The following CSMD1 variants were observed in gnomAD, a reference collection of about 807,000 sequenced individuals.
The protein encoded by CSMD1 is CUB and Sushi multiple domains 1, also known as CUB and sushi domain-containing protein 1.
Under a neutral mutation model 417.5 loss-of-function variants are expected in CSMD1, and 213 were observed. The ratio of observed to expected loss-of-function variants is 0.51; its 90% CI spans 0.46 to 0.57. CSMD1 has a LOEUF of 0.57. Among genes scored for constraint, CSMD1 ranks in the 20% least tolerant of loss-of-function variants. CSMD1 has a pLI of 0.00. For synonymous variants in CSMD1, 2,862 were observed against 1,736.8 expected (o/e 1.65, Z -16.11); for missense variants, 6,923 against 4,529.7 (o/e 1.53, Z -15.17).
chr8:3,115,972 A>C (rs1275501510), intron 42 of CSMD1, among the ~76,000 whole-genome samples: 7 of 152,180 alleles, frequency 4.6e-5, no homozygotes, highest in Admixed American at 4.6e-4. Flanking sequence ...CAATTAATAA[A>C]ATACATGTTA....
chr8:3,472,045 A>C (rs1360335488), intron 11 of CSMD1, among the ~76,000 whole-genome samples: 1 of 152,096 alleles, frequency 6.6e-6, no homozygotes, highest in Non-Finnish European at 1.5e-5. Context: ...CCACCATGCA[A>C]CATGACTCTA....
At chr8:3,546,654 T>A (rs75147140) in intron 10 of CSMD1, among the ~76,000 whole-genome samples, 2,104 of 151,148 alleles carry the variant, frequency 0.014, 47 homozygotes, top group East Asian at 0.053. Flanking sequence ...CAAAAAAAAA[T>A]TACTCATCAA....
intron 3 of CSMD1, among the ~76,000 whole-genome samples, chr8:4,330,048 T>G (rs1799780547): frequency 6.6e-6 from 1 of 152,164 alleles, no homozygotes; most frequent in Admixed American, 6.6e-5. Flanking sequence ...ACCTCTTTTC[T>G]TCATAAATTA....
intron 3 of CSMD1, among the ~76,000 whole-genome samples, chr8:4,209,344 G>C (rs1322486728): frequency 6.6e-6 from 1 of 152,192 alleles, no homozygotes; most frequent in African/African-American, 2.4e-5. Context: ...CACAGGGACA[G>C]AAAGAATTCC....
At chr8:3,597,004 TCCAGAA>T (rs1236928790) in intron 8 of CSMD1, among the ~76,000 whole-genome samples, 1 of 152,062 alleles carries the variant, frequency 6.6e-6, no homozygotes, top group Non-Finnish European at 1.5e-5. Context: ...TGGCCATGAA[TCCAGAA>T]CCCAGGTGCT....
At chr8:4,822,290 C>A (rs571835464) in intron 1 of CSMD1, among the ~76,000 whole-genome samples, 3 of 152,232 alleles carry the variant, frequency 2.0e-5, no homozygotes, top group South Asian at 2.1e-4. Flanking sequence ...TCTTAGGACA[C>A]CAGATACCAC....
At chr8:4,013,813 T>C (rs1209241169) in intron 4 of CSMD1, among the ~76,000 whole-genome samples, 1 of 152,176 alleles carries the variant, frequency 6.6e-6, no homozygotes, top group African/African-American at 2.4e-5. Flanking sequence ...TCTATCTGTT[T>C]AGGTGGTGTC....
chr8:2,973,071 G>A (rs1804600659), intron 57 of CSMD1, 46 bp downstream of exon 57: 1 of 1,576,198 alleles, frequency 6.3e-7, no homozygotes, highest in South Asian at 1.1e-5. Context: ...AACGAGCTGT[G>A]TGGTTTTAAC....
At chr8:3,572,436 C>T (rs950201893) in intron 10 of CSMD1, among the ~76,000 whole-genome samples, 1 of 152,108 alleles carries the variant, frequency 6.6e-6, no homozygotes, top group Non-Finnish European at 1.5e-5. Context: ...TCCTGGAGAG[C>T]CCCTGATTGC....
At chr8:3,271,584 G>T (rs1157985027) in intron 26 of CSMD1, among the ~76,000 whole-genome samples, 1 of 151,874 alleles carries the variant, frequency 6.6e-6, no homozygotes, top group Non-Finnish European at 1.5e-5. Context: ...ATCCTCTCCA[G>T]CACCTGTTGT....
intron 3 of CSMD1, among the ~76,000 whole-genome samples, chr8:4,040,559 C>G (rs749259445): frequency 6.6e-6 from 1 of 152,062 alleles, no homozygotes; most frequent in Non-Finnish European, 1.5e-5. Flanking sequence ...ATTAGATCTA[C>G]GGTGTTCACA....
chr8:3,240,859 G>A (rs566344246), intron 26 of CSMD1, among the ~76,000 whole-genome samples: 15 of 152,222 alleles, frequency 9.9e-5, no homozygotes, highest in African/African-American at 3.6e-4. Context: ...AGGTAAAACG[G>A]GGGAATTGTA....
intron 1 of CSMD1, among the ~76,000 whole-genome samples, chr8:4,731,762 G>C (rs1214121478): frequency 6.6e-6 from 1 of 152,170 alleles, no homozygotes; most frequent in Non-Finnish European, 1.5e-5. Context: ...AGTTTGGGAA[G>C]TGATGCTGGC....
intron 1 of CSMD1, among the ~76,000 whole-genome samples, chr8:4,845,225 T>G: frequency 6.6e-6 from 1 of 152,220 alleles, no homozygotes; most frequent in East Asian, 1.9e-4. Context: ...TTTTGGTTAT[T>G]GTACTGTTCA....
chr8:3,128,869 T>A (rs1338059552), intron 41 of CSMD1: 1 of 455,482 alleles, frequency 2.2e-6, no homozygotes. Flanking sequence ...TGTCAAGACA[T>A]GGGAAAGCAG....
At chr8:4,397,518 A>AGACTCTG (rs1266697787) in intron 3 of CSMD1, among the ~76,000 whole-genome samples, 59 of 129,662 alleles carry the variant, frequency 4.6e-4, no homozygotes, top group Admixed American at 1.3e-3. Flanking sequence ...AACAAGCCTG[A>AGACTCTG]GACTCTTTTT....
intron 7 of CSMD1, among the ~76,000 whole-genome samples, chr8:3,629,153 C>T (rs910509581): frequency 1.3e-5 from 2 of 151,998 alleles, no homozygotes; most frequent in Non-Finnish European, 2.9e-5. Context: ...AGAAAGAACC[C>T]GGGATGTTCG....
rs563889990 is a variant in CSMD1 at position 3,250,672 on chromosome 8, C to G, written c.4154-20441G>C. ...ATCATTGAACTAGTTTATGGTCCCA[C>G]CAACAGTGTAAAAGTGTTCCTATTT... On this transcript the variant is annotated intron_variant, in intron 26 of 69. Coordinates refer to ENST00000635120, the MANE Select transcript of CSMD1 (RefSeq NM_033225.6). Among the ~76,000 whole-genome samples, 31 of 152,330 alleles carry G rather than the reference C, an allele frequency of 2.0e-4. No homozygotes were observed. The South Asian group carries it at 6.0e-3, about 29-fold the overall frequency.
At chr8:4,084,260 G>C (rs1170219490) in intron 3 of CSMD1, among the ~76,000 whole-genome samples, 1 of 147,832 alleles carries the variant, frequency 6.8e-6, no homozygotes, top group Non-Finnish European at 1.5e-5. Context: ...AAATAAAAGT[G>C]AAAAGACAAA....
Sources: allele counts gnomAD v4.1 joint callset (sites outside exome capture counted in the v4.1 genomes callset), GRCh38; gene constraint gnomAD v4.1.1; transcripts MANE v1.5; gene names NCBI Gene and HGNC (gene_info 2026-07-23, HGNC 2026-07-21).